Variants in PHKB observed in about 807,000 individuals in gnomAD.
PHKB encodes the protein phosphorylase b kinase regulatory subunit beta.
In PHKB, 122 loss-of-function variants were observed where a neutral mutation model predicts 152.1. The ratio of observed to expected loss-of-function variants is 0.80; its 90% CI spans 0.69 to 0.93. The LOEUF is 0.93. PHKB is among the 40% of genes least tolerant of loss of function. The pLI is 0.00. For missense variants in PHKB, 1,304 were observed against 1,328.4 expected (o/e 0.98, Z 0.29); for synonymous variants, 436 against 464.9 (o/e 0.94, Z 0.80).
intron 14 of PHKB, among the ~76,000 whole-genome samples, chr16:47,637,158 G>A (rs929743703): frequency 3.3e-5 from 5 of 152,144 alleles, no homozygotes; most frequent in South Asian, 2.1e-4. Flanking sequence ...GACACTCATC[G>A]GAATGGCCTG....
intron 14 of PHKB, among the ~76,000 whole-genome samples, chr16:47,636,644 T>C (rs770505458): frequency 1.3e-5 from 2 of 152,210 alleles, no homozygotes; most frequent in African/African-American, 2.4e-5. Flanking sequence ...AGTGTTGACA[T>C]GCCATCCCCC....
At chr16:47,488,403 A>G (rs1159362352) in intron 1 of PHKB, among the ~76,000 whole-genome samples, 4 of 152,056 alleles carry the variant, frequency 2.6e-5, no homozygotes, top group Admixed American at 6.5e-5. Context: ...TGTTTGCTCT[A>G]TCGGTAGTTT....
Position 47,693,430 on chromosome 16 carries a change from G to A in PHKB, c.2818G>A (p.Gly940Arg), listed in dbSNP as rs929325638. Residue 940 changes from glycine to arginine, a missense_variant, in exon 28 of 31, where the codon GGG becomes AGG. Physicochemically the swap from Gly to Arg is moderately radical, Grantham distance 125 (BLOSUM62 -2). Coordinates refer to ENST00000323584, the MANE Select transcript of PHKB (RefSeq NM_000293.3). ...IDGSLNRTPT[G>R]FYDRVWQILE... Reference sequence around the variant, plus strand: ...TGGGTCTTTGAATAGAACTCCCACCGGGTTCTATGACCGAGTGTGGCAGAT... The same window carrying A: ...TGGGTCTTTGAATAGAACTCCCACCAGGTTCTATGACCGAGTGTGGCAGAT... 11 of 1,613,856 alleles carry A rather than the reference G, an allele frequency of 6.8e-6. No individual in the cohort carries two copies. Among genetic ancestry groups the A allele is most frequent in the African/African-American group, 2.7e-5 (2 of 74,898 alleles).
chr16:47,607,334 A>T (rs554822072), intron 13 of PHKB, among the ~76,000 whole-genome samples: 2 of 152,150 alleles, frequency 1.3e-5, no homozygotes, highest in East Asian at 3.9e-4. Flanking sequence ...TTTCCTTCTC[A>T]TCACTTCACC....
At chr16:47,664,460 C>A in intron 24 of PHKB, 1 of 176,348 alleles carries the variant, frequency 5.7e-6, no homozygotes. Flanking sequence ...TCATAAGAAA[C>A]TCCCTTAACC....
At chr16:47,684,774 C>CAA (rs1177525611) in intron 26 of PHKB, among the ~76,000 whole-genome samples, 9 of 125,962 alleles carry the variant, frequency 7.1e-5, no homozygotes, top group Non-Finnish European at 1.2e-4. Flanking sequence ...GACTCCGTCT[C>CAA]AAAAAAAAAA....
rs1043960499 is a variant in PHKB, at chr16:47,473,218, A to ATTTTTTTT, written c.76+11819_76+11826dup. On this transcript the variant is annotated intron_variant, in intron 1 of 30. Transcript: ENST00000323584. Reference sequence around the variant, plus strand: ...AGGTGTGCACTACCATGCCTGGCTAATTTTTTTTTTTTTTTTTTTTTTTTT... The same window carrying ATTTTTTTT: ...AGGTGTGCACTACCATGCCTGGCTAATTTTTTTTTTTTTTTTTTTTTTTTTTTTTTTTT... 8.5e-3 allele frequency among the ~76,000 whole-genome samples: 416 copies of ATTTTTTTT among 48,784 alleles called. 49 individuals carry two copies. The highest frequency in any genetic ancestry group is 0.012 in the Non-Finnish European group (310 of 26,808). 32.0% of individuals were successfully genotyped at this position (48,784 alleles called of 152,430 possible).
chr16:47,688,611 AG>A (rs1281469596), intron 26 of PHKB, among the ~76,000 whole-genome samples: 1 of 152,176 alleles, frequency 6.6e-6, no homozygotes, highest in Non-Finnish European at 1.5e-5. Context: ...TTTCAGAGAA[AG>A]GAACATTTAC....
chr16:47,630,050 G>A (rs1972797141), intron 14 of PHKB, among the ~76,000 whole-genome samples: 1 of 152,008 alleles, frequency 6.6e-6, no homozygotes, highest in East Asian at 1.9e-4. Flanking sequence ...GGGGGGGATG[G>A]CAATGGGAGA....
intron 1 of PHKB, 151 bp from the exon 2 acceptor site, chr16:47,497,248 C>T (rs898100213): frequency 3.2e-6 from 2 of 624,002 alleles, no homozygotes; most frequent in Admixed American, 2.7e-5. Flanking sequence ...CTTGTTCCCC[C>T]AGCAAGAAGG....
intron 26 of PHKB, 127 bp from the exon 27 acceptor site, chr16:47,688,914 A>T (rs1438279529): frequency 1.0e-6 from 1 of 971,842 alleles, no homozygotes; most frequent in African/African-American, 1.6e-5. Flanking sequence ...ACGGTTCAGG[A>T]AACTCAAACG....
At position 47,698,571 on chromosome 16, in the gene PHKB, A is replaced by G. The variant is rs1294177728; in HGVS notation, c.3127A>G (p.Lys1043Glu). 3 of 1,604,192 alleles carry G rather than the reference A, an allele frequency of 1.9e-6. No homozygotes were observed. Residue 1043 changes from lysine (K) to glutamate (E), a missense_variant, in exon 30 of 31, where the codon AAG (lysine) becomes GAG (glutamate). Lys to Glu is a moderately conservative substitution (Grantham distance 56, BLOSUM62 1). Coordinates refer to ENST00000323584, the MANE Select transcript of PHKB (RefSeq NM_000293.3). ...NEFQKDQSRL[K>E]EIEKQDDMTS... ...ATTTCAAAAAGATCAGAGTCGGCTA[A>G]AGGAAATTGAAAAACAAGTAAGTAC...
At chr16:47,536,973 A>T (rs773721789) in intron 6 of PHKB, among the ~76,000 whole-genome samples, 1 of 152,240 alleles carries the variant, frequency 6.6e-6, no homozygotes, top group Non-Finnish European at 1.5e-5. Context: ...ACTAATGGCC[A>T]TCCAGCCCAA....
At chr16:47,565,126 G>T in intron 7 of PHKB, 1 of 519,128 alleles carries the variant, frequency 1.9e-6, no homozygotes, top group Non-Finnish European at 3.8e-6. Context: ...CACCATCAAC[G>T]GAGACAGCAG....
intron 14 of PHKB, among the ~76,000 whole-genome samples, chr16:47,612,373 T>C (rs901557613): frequency 6.6e-6 from 1 of 152,212 alleles, no homozygotes; most frequent in Non-Finnish European, 1.5e-5. Flanking sequence ...GGCATATGGC[T>C]AACAAAATCA....
chr16:47,607,213 G>T lies in PHKB; in HGVS notation c.1364-3613G>T, dbSNP rs9932380. On this transcript the variant is annotated intron_variant, in intron 13 of 30. Transcript: ENST00000323584. Reference sequence around the variant, plus strand: ...TTACCTATTTAAAGTTTACAATTCAGTGATTTTTGGTATATTTATAGAGTT... The same window carrying T: ...TTACCTATTTAAAGTTTACAATTCATTGATTTTTGGTATATTTATAGAGTT... 4.2e-3 allele frequency among the ~76,000 whole-genome samples: 639 copies of T among 152,042 alleles called. 6 individuals carry two copies. The highest frequency in any genetic ancestry group is 0.015 in the African/African-American group (609 of 41,452).
rs1974212594 is a variant in PHKB, at chr16:47,699,531, C to A, written c.*165C>A. On this transcript the variant is annotated 3_prime_UTR_variant, in exon 31 of 31. Transcript: ENST00000323584. ...GGACCTCTTGCATGTCATAGCCAAT[C>A]TAACGGTAATGGTAAATGCTTTTAA... 1.3e-6 allele frequency: 1 copy of A among 772,986 alleles called. No individual in the cohort carries two copies. Among genetic ancestry groups the A allele is most frequent in the Non-Finnish European group, 2.3e-6 (1 of 430,364 alleles). The allele number at this position is 772,986 out of a possible 1,614,324, so 47.9% of individuals were successfully genotyped here. A position where few individuals can be genotyped will look rare whatever the true frequency, so the allele number is the denominator to read the frequency against.
chr16:47,646,438 C>T (rs1445404696), intron 16 of PHKB, among the ~76,000 whole-genome samples: 4 of 118,550 alleles, frequency 3.4e-5, no homozygotes, highest in Middle Eastern at 4.2e-3. Context: ...CTAGATGACA[C>T]GTTAGTGGGT....
chr16:47,680,561 TG>T (rs2142092216), intron 26 of PHKB, among the ~76,000 whole-genome samples: 1 of 152,274 alleles, frequency 6.6e-6, no homozygotes, highest in South Asian at 2.1e-4. Flanking sequence ...TGCGTAGAGG[TG>T]TTTATAGTAT....
Sources: gnomAD v4.1 joint callset for allele counts (sites outside exome capture counted in the v4.1 genomes callset) on GRCh38, gnomAD v4.1.1 for gene constraint, MANE v1.5 for transcripts, NCBI Gene and HGNC (gene_info 2026-07-23, HGNC 2026-07-21) for gene names.